The following ROBO1 variants were observed in gnomAD, a reference collection of about 807,000 sequenced individuals.
ROBO1 encodes the protein roundabout guidance receptor 1.
A neutral mutation model predicts 195.9 loss-of-function variants in ROBO1; 149 were observed. That is an observed-to-expected ratio of 0.76 (90% CI 0.67 to 0.87). The LOEUF is 0.87. Ranked by LOEUF, ROBO1 falls within the 40% of genes least tolerant of loss-of-function variation. ROBO1 has a pLI of 0.00. For missense variants in ROBO1, 1,933 were observed against 2,068.3 expected (o/e 0.93, Z 1.27); for synonymous variants, 816 against 733.2 (o/e 1.11, Z -1.82).
intron 2 of ROBO1, among the ~76,000 whole-genome samples, chr3:79,174,106 G>A (rs1228491541): frequency 1.3e-5 from 2 of 152,112 alleles, no homozygotes; most frequent in Non-Finnish European, 2.9e-5. Flanking sequence ...GGCTGCCTGA[G>A]CCAGCAGTGG....
chr3:79,752,402 C>T (rs574421346), intron 1 of ROBO1, among the ~76,000 whole-genome samples: 5 of 152,044 alleles, frequency 3.3e-5, no homozygotes, highest in South Asian at 2.1e-4. Flanking sequence ...CTCTGGGTGC[C>T]GGCAATCTAT....
intron 8 of ROBO1, among the ~76,000 whole-genome samples, chr3:78,693,574 A>C (rs1559753527): frequency 6.6e-6 from 1 of 152,174 alleles, no homozygotes; most frequent in East Asian, 1.9e-4. Context: ...AATGAAGCTT[A>C]AATTCTCTAC....
intron 2 of ROBO1, among the ~76,000 whole-genome samples, chr3:79,561,267 T>G (rs1942910418): frequency 6.6e-6 from 1 of 152,198 alleles, no homozygotes; most frequent in Admixed American, 6.6e-5. Context: ...TAGAGAGATT[T>G]CAGAGTATTA....
At chr3:78,760,204 T>TG (rs2083061770) in intron 4 of ROBO1, among the ~76,000 whole-genome samples, 1 of 152,188 alleles carries the variant, frequency 6.6e-6, no homozygotes, top group Non-Finnish European at 1.5e-5. Flanking sequence ...CATGTGGAAC[T>TG]GTGAGTCCAT....
intron 4 of ROBO1, among the ~76,000 whole-genome samples, chr3:78,918,598 T>C (rs937377593): frequency 1.3e-5 from 2 of 152,138 alleles, no homozygotes; most frequent in Non-Finnish European, 2.9e-5. Context: ...TATAAAACAA[T>C]CTCTAGGTAG....
intron 4 of ROBO1, among the ~76,000 whole-genome samples, chr3:78,874,214 G>T (rs1231818611): frequency 2.0e-5 from 3 of 151,816 alleles, no homozygotes; most frequent in Admixed American, 2.0e-4. Context: ...TACTTAGCAA[G>T]CACATAGTAG....
At chr3:78,851,007 A>G (rs985719845) in intron 4 of ROBO1, among the ~76,000 whole-genome samples, 4 of 151,954 alleles carry the variant, frequency 2.6e-5, no homozygotes, top group Admixed American at 6.6e-5. Flanking sequence ...GAGTTTCACT[A>G]TGTTGGCCAG....
At chr3:78,798,860 C>T (rs1000993104) in intron 4 of ROBO1, among the ~76,000 whole-genome samples, 1 of 152,078 alleles carries the variant, frequency 6.6e-6, no homozygotes, top group African/African-American at 2.4e-5. Flanking sequence ...TTAGTAGTTA[C>T]TTGGAGGTAA....
chr3:79,458,822 T>C lies in ROBO1; in HGVS notation c.88+131002A>G, dbSNP rs571579391. Among the ~76,000 whole-genome samples the C allele has an allele frequency of 1.6e-4, 24 of 150,944 alleles. No individual in the cohort carries two copies. In the South Asian group the frequency reaches 4.8e-3, roughly 30 times the overall value. ...ATATTTCAGCATCAAATCACACAAA[T>C]AAAATGACCCCAATAGAAACCAGAA... is the stretch of plus-strand genomic sequence containing the variant. On this transcript the variant is annotated intron_variant, in intron 2 of 30. Coordinates refer to ENST00000464233, the MANE Select transcript of ROBO1 (RefSeq NM_002941.4).
At chr3:79,017,274 TAAC>T (rs2077967275) in intron 3 of ROBO1, among the ~76,000 whole-genome samples, 1 of 151,986 alleles carries the variant, frequency 6.6e-6, no homozygotes, top group East Asian at 1.9e-4. Flanking sequence ...CTTACTCTGT[TAAC>T]TGTCTTAAGT....
intron 2 of ROBO1, among the ~76,000 whole-genome samples, chr3:79,211,063 T>G (rs926109894): frequency 6.6e-6 from 1 of 152,146 alleles, no homozygotes; most frequent in Non-Finnish European, 1.5e-5. Context: ...TTTGAGTATC[T>G]TGGTTAATAA....
chr3:78,795,047 TATGTC>T (rs1408798667), intron 4 of ROBO1, among the ~76,000 whole-genome samples: 2 of 152,186 alleles, frequency 1.3e-5, no homozygotes, highest in Admixed American at 6.6e-5. Context: ...TAACTGAAAT[TATGTC>T]ATGTGTTCAA....
At chr3:78,934,699 G>C (rs72904273) in intron 4 of ROBO1, among the ~76,000 whole-genome samples, 8,403 of 151,828 alleles carry the variant, frequency 0.055, 517 homozygotes, top group African/African-American at 0.15. Context: ...TCAAAATGGG[G>C]GGACCCAATT....
At chr3:79,168,458 T>C (rs2081109699) in intron 2 of ROBO1, among the ~76,000 whole-genome samples, 1 of 152,154 alleles carries the variant, frequency 6.6e-6, no homozygotes, top group South Asian at 2.1e-4. Context: ...TGACCCAACA[T>C]GGTAAAATGC....
chr3:79,182,771 C>A (rs374425477), intron 2 of ROBO1, among the ~76,000 whole-genome samples: 1 of 152,078 alleles, frequency 6.6e-6, no homozygotes, highest in East Asian at 1.9e-4. Flanking sequence ...ACGAATGGTA[C>A]CTAACTGGTA....
At chr3:78,741,146 C>G (rs923533597) in intron 5 of ROBO1, among the ~76,000 whole-genome samples, 30 of 152,016 alleles carry the variant, frequency 2.0e-4, no homozygotes, top group Admixed American at 1.7e-3. Context: ...TGTTTTTATG[C>G]TTGTAATAGT....
At chr3:79,002,668 A>G (rs1221542287) in intron 3 of ROBO1, among the ~76,000 whole-genome samples, 1 of 152,138 alleles carries the variant, frequency 6.6e-6, no homozygotes, top group Non-Finnish European at 1.5e-5. Context: ...TCCCAGGCTT[A>G]TGTCAATTGC....
chr3:78,689,036 A>G (rs1005490388), intron 8 of ROBO1, among the ~76,000 whole-genome samples: 20 of 152,286 alleles, frequency 1.3e-4, no homozygotes, highest in African/African-American at 4.6e-4. Context: ...CTAAAGCTAC[A>G]ATTGGACCCT....
At chr3:79,359,130 C>G (rs982842798) in intron 2 of ROBO1, among the ~76,000 whole-genome samples, 1 of 151,990 alleles carries the variant, frequency 6.6e-6, no homozygotes, top group Non-Finnish European at 1.5e-5. Context: ...ACCAACTGAT[C>G]ATTTTGCTGG....
Sources: gnomAD v4.1 joint callset for allele counts (sites outside exome capture counted in the v4.1 genomes callset) on GRCh38, gnomAD v4.1.1 for gene constraint, MANE v1.5 for transcripts, NCBI Gene and HGNC (gene_info 2026-07-23, HGNC 2026-07-21) for gene names.